ADCY5: variants seen among roughly 807,000 people sequenced by gnomAD.
ADCY5 encodes adenylate cyclase 5.
Under a neutral mutation model 119.7 loss-of-function variants are expected in ADCY5, and 30 were observed. That is an observed-to-expected ratio of 0.25 (90% CI 0.19 to 0.34). The LOEUF (loss-of-function observed/expected upper bound fraction) is 0.34. Ranked by LOEUF, ADCY5 falls within the 10% of genes least tolerant of loss-of-function variation. The pLI is 1.00. For missense variants in ADCY5, 1,324 were observed against 1,775.2 expected (o/e 0.75, Z 4.57); for synonymous variants, 753 against 762.2 (o/e 0.99, Z 0.20).
At chr3:123,441,669 T>A (rs1945724848) in intron 1 of ADCY5, among the ~76,000 whole-genome samples, 1 of 152,230 alleles carries the variant, frequency 6.6e-6, no homozygotes, top group South Asian at 2.1e-4. Flanking sequence ...GGTCTGCTTT[T>A]CTCCCAGCTA....
intron 1 of ADCY5, among the ~76,000 whole-genome samples, chr3:123,393,210 C>A (rs758588399): frequency 5.9e-5 from 9 of 152,144 alleles, no homozygotes; most frequent in Non-Finnish European, 1.2e-4. Context: ...AACTCTGCAG[C>A]CTTGGGTTCA....
chr3:123,342,118 G>T (rs965229597), intron 3 of ADCY5, among the ~76,000 whole-genome samples: 1 of 152,164 alleles, frequency 6.6e-6, no homozygotes, highest in African/African-American at 2.4e-5. Context: ...CTTCATGTCA[G>T]GTTTGAGACG....
rs1037342035 is a variant in ADCY5 at position 123,433,321 on chromosome 3, C to T, written c.1134+14091G>A. Among the ~76,000 whole-genome samples the T allele has an allele frequency of 3.9e-5, 6 of 152,282 alleles. No individual in the cohort carries two copies. In the South Asian group the frequency reaches 1.2e-3, roughly 32 times the overall value. On this transcript the variant is annotated intron_variant, in intron 1 of 20. Transcript: ENST00000462833. ...CAGAGCCAAGACACTTCCCAGCTGG[C>T]ATCACCTACAGGGAGCCAGTCAAGG...
intron 1 of ADCY5, among the ~76,000 whole-genome samples, chr3:123,398,412 G>T (rs909404033): frequency 6.6e-6 from 1 of 152,134 alleles, no homozygotes; most frequent in African/African-American, 2.4e-5. Flanking sequence ...CCTGAACGGG[G>T]CTTGGTTCTC....
chr3:123,314,108 G>T, intron 12 of ADCY5, 127 bp downstream of exon 12: 1 of 691,862 alleles, frequency 1.4e-6, no homozygotes, highest in Non-Finnish European at 2.5e-6. Context: ...GCTGGCATCA[G>T]GCACTCTCCC....
chr3:123,418,626 A>G (rs912295985), intron 1 of ADCY5, among the ~76,000 whole-genome samples: 1 of 152,140 alleles, frequency 6.6e-6, no homozygotes, highest in Admixed American at 6.5e-5. Context: ...CTCACTCACT[A>G]CCAGAAGAAC....
Position 123,398,119 on chromosome 3 carries a change from C to T in ADCY5, c.1135-45538G>A, listed in dbSNP as rs540958063. Among the ~76,000 whole-genome samples the T allele has an allele frequency of 2.5e-4, 38 of 152,334 alleles. No homozygotes were observed. The South Asian group carries it at 7.9e-3, about 32-fold the overall frequency. ...CACCAAAGCAACCATCTGCTGCCCTCCTGCACACAGCATTGGCAACCTGTG... is the reference window on the plus strand; with the variant it reads ...CACCAAAGCAACCATCTGCTGCCCTTCTGCACACAGCATTGGCAACCTGTG... On this transcript the variant is annotated intron_variant, in intron 1 of 20. Transcript: ENST00000462833.
chr3:123,350,972 T>G (rs1942813208), intron 2 of ADCY5, among the ~76,000 whole-genome samples: 1 of 152,056 alleles, frequency 6.6e-6, no homozygotes, highest in African/African-American at 2.4e-5. Context: ...TGGTGCAGTG[T>G]GCCAGAGGCG....
rs574414034 is a variant in ADCY5 at position 123,421,637 on chromosome 3, G to C, written c.1134+25775C>G. Among the ~76,000 whole-genome samples the C allele has an allele frequency of 2.0e-4, 31 of 152,272 alleles. 1 individual carries two copies. The highest frequency in any genetic ancestry group is 6.3e-4 in the African/African-American group (26 of 41,544). ...GGTAGGCAATGACTGGGTGGGAGGA[G>C]TTCTGAGTGGGCAAGTAAAGAGTAA... On this transcript the variant is annotated intron_variant, in intron 1 of 20. Coordinates refer to ENST00000462833, the MANE Select transcript of ADCY5 (RefSeq NM_183357.3).
intron 1 of ADCY5, among the ~76,000 whole-genome samples, chr3:123,360,829 C>T (rs773748428): frequency 2.6e-5 from 4 of 152,246 alleles, no homozygotes; most frequent in African/African-American, 9.6e-5. Context: ...ATATAGTCTG[C>T]AAAACACTTT....
intron 1 of ADCY5, among the ~76,000 whole-genome samples, chr3:123,402,853 A>AG (rs1289274226): frequency 7.0e-6 from 1 of 143,578 alleles, no homozygotes; most frequent in Non-Finnish European, 1.5e-5. Context: ...ACTCAGTCTC[A>AG]GGAAAAAAAA....
intron 3 of ADCY5, among the ~76,000 whole-genome samples, chr3:123,333,490 G>A (rs568781206): frequency 1.3e-5 from 2 of 152,354 alleles, no homozygotes; most frequent in Admixed American, 6.5e-5. Flanking sequence ...GGCTCCACGC[G>A]GCTGCTGGGC....
chr3:123,436,160 CATT>C (rs1188458084), intron 1 of ADCY5, among the ~76,000 whole-genome samples: 3 of 151,702 alleles, frequency 2.0e-5, no homozygotes, highest in African/African-American at 7.3e-5. Context: ...AAAGTGTTGG[CATT>C]ATAGGTGTGA....
intron 1 of ADCY5, among the ~76,000 whole-genome samples, chr3:123,437,672 T>C (rs1470080686): frequency 6.6e-6 from 1 of 152,214 alleles, no homozygotes; most frequent in Admixed American, 6.5e-5. Flanking sequence ...ATATACTTTA[T>C]GAGCTTCCTC....
chr3:123,284,669 T>A lies in ADCY5; in HGVS notation c.3725A>T (p.Lys1242Met), dbSNP rs758039365. Residue 1242 changes from lysine to methionine, a missense_variant, in exon 21 of 21, where the codon AAG (lysine) becomes ATG (methionine). Lys to Met is a moderately conservative substitution (Grantham distance 95, BLOSUM62 -1). Around this residue, in one of 6 missense-constraint regions of ADCY5, gnomAD observed 178 missense variants for 329.6 expected, o/e 0.54. Transcript: ENST00000462833. ...CATCATCTCGCCTTTGCCCTTGACC[T>A]TGACCACGCCCCGGCACTCCAGCTG... Reference protein sequence around the residue: ...TYQLECRGVVKVKGKGEMMTY... With the variant: ...TYQLECRGVVMVKGKGEMMTY... 11 of 1,614,226 alleles carry A rather than the reference T, an allele frequency of 6.8e-6. No individual in the cohort carries two copies. Among genetic ancestry groups the A allele is most frequent in the Non-Finnish European group, 8.5e-6 (10 of 1,180,034 alleles).
chr3:123,292,037 C>T (rs1353247116), intron 17 of ADCY5, among the ~76,000 whole-genome samples: 1 of 152,124 alleles, frequency 6.6e-6, no homozygotes, highest in Non-Finnish European at 1.5e-5. Context: ...TTTTGGTCAC[C>T]CACCTTCCAG....
At chr3:123,320,084 T>A (rs1348256275) in intron 9 of ADCY5, among the ~76,000 whole-genome samples, 1 of 152,222 alleles carries the variant, frequency 6.6e-6, no homozygotes, top group African/African-American at 2.4e-5. Flanking sequence ...TCTGTTAACA[T>A]ATTATATTAG....
intron 1 of ADCY5, among the ~76,000 whole-genome samples, chr3:123,388,949 G>A (rs1291575359): frequency 6.6e-6 from 1 of 152,150 alleles, no homozygotes; most frequent in Non-Finnish European, 1.5e-5. Context: ...TTCTATACTG[G>A]GGACCTGTGT....
intron 1 of ADCY5, among the ~76,000 whole-genome samples, chr3:123,363,033 C>T (rs553343132): frequency 2.0e-4 from 30 of 151,438 alleles, no homozygotes; most frequent in African/African-American, 7.3e-4. Flanking sequence ...ATCCCAGCTA[C>T]TCGGGAGGCT....
Sources: gnomAD v4.1 joint callset for allele counts (sites outside exome capture counted in the v4.1 genomes callset) on GRCh38, gnomAD v4.1.1 for gene constraint, gnomAD v4.1.1 regional missense constraint, MANE v1.5 for transcripts, NCBI Gene and HGNC (gene_info 2026-07-23, HGNC 2026-07-21) for gene names.